MN1: variants seen among roughly 807,000 people sequenced by gnomAD.
The protein encoded by MN1 is MN1 proto-oncogene, transcriptional regulator, also known as transcriptional activator MN1.
In MN1, 19 loss-of-function variants were observed where a neutral mutation model predicts 86.9. That is an observed-to-expected ratio of 0.22 (90% CI 0.15 to 0.32). The LOEUF (loss-of-function observed/expected upper bound fraction) is 0.32, where lower values mean the gene tolerates loss of function less well. MN1 is among the 10% of genes least tolerant of loss of function. MN1 has a pLI of 1.00. For synonymous variants in MN1, 928 were observed against 849.6 expected (o/e 1.09, Z -1.60); for missense variants, 1,841 against 1,862.0 (o/e 0.99, Z 0.21).
chr22:27,789,600 T>C (rs1221562672), intron 1 of MN1, among the ~76,000 whole-genome samples: 1 of 152,220 alleles, frequency 6.6e-6, no homozygotes, highest in African/African-American at 2.4e-5. Context: ...AATGTGAGTT[T>C]ATATGGGGAT....
rs779290623 is a variant in MN1 at position 27,797,999 on chromosome 22, T to C, written c.2545A>G (p.Asn849Asp). 1 of 1,596,796 alleles carries C rather than the reference T, an allele frequency of 6.3e-7. No individual in the cohort carries two copies. Residue 849 changes from asparagine to aspartate, a missense_variant, in exon 1 of 2, where the codon AAC becomes GAC. By Grantham distance (23) the Asn-to-Asp change is conservative. Coordinates refer to ENST00000302326, the MANE Select transcript of MN1 (RefSeq NM_002430.3). ...LGAPNLNVTF[N>D]KKNPPEGKRK... ...TTGCCCTCTGGCGGGTTCTTCTTGT[T>C]GAAGGTCACGTTGAGGTTGGGGGCC...
At chr22:27,762,492 C>T (rs898504368) in intron 1 of MN1, among the ~76,000 whole-genome samples, 8 of 152,038 alleles carry the variant, frequency 5.3e-5, no homozygotes, top group Admixed American at 2.0e-4. Flanking sequence ...CTGGTAATAC[C>T]GGTAATGCTG....
chr22:27,751,463 G>A (rs2123873529), intron 1 of MN1, among the ~76,000 whole-genome samples: 1 of 152,258 alleles, frequency 6.6e-6, no homozygotes, highest in South Asian at 2.1e-4. Context: ...CATCTAAACT[G>A]GGCATCAAAG....
chr22:27,769,552 A>ATTTTTTTT lies in MN1; in HGVS notation c.3782-18464_3782-18457dup, dbSNP rs58248602. 1.0e-3 allele frequency among the ~76,000 whole-genome samples: 86 copies of ATTTTTTTT among 83,274 alleles called. 25 individuals are homozygous for ATTTTTTTT. The South Asian group carries it at 0.013, about 13-fold the overall frequency. The allele number at this position is 83,274 out of a possible 152,430, so 54.6% of individuals were successfully genotyped here. Reference sequence around the variant, plus strand: ...CGAAGCAATAATATCAAGGATGCCAATTTTTTTTTTTTTTTTTTGAGACAG... The same window carrying ATTTTTTTT: ...CGAAGCAATAATATCAAGGATGCCAATTTTTTTTTTTTTTTTTTTTTTTTTTGAGACAG... On this transcript the variant is annotated intron_variant, in intron 1 of 1. Transcript: ENST00000302326.
intron 1 of MN1, among the ~76,000 whole-genome samples, chr22:27,781,940 C>T (rs1040104978): frequency 3.3e-5 from 5 of 152,114 alleles, no homozygotes; most frequent in Admixed American, 6.5e-5. Context: ...AGTTGCCAGA[C>T]GCAGGGGTTT....
chr22:27,775,170 C>T (rs2146303749), intron 1 of MN1, among the ~76,000 whole-genome samples: 1 of 152,358 alleles, frequency 6.6e-6, no homozygotes, highest in Non-Finnish European at 1.5e-5. Context: ...AATGGGTCCA[C>T]AGCGGTAGCT....
At chr22:27,758,864 T>C (rs1354297544) in intron 1 of MN1, among the ~76,000 whole-genome samples, 1 of 152,166 alleles carries the variant, frequency 6.6e-6, no homozygotes, top group Non-Finnish European at 1.5e-5. Flanking sequence ...CTAGCTCTAT[T>C]ACCCAGGTTG....
intron 1 of MN1, among the ~76,000 whole-genome samples, chr22:27,761,432 GA>G (rs5844790): frequency 0.21 from 29,284 of 140,104 alleles, 4,057 homozygotes; most frequent in African/African-American, 0.39. Flanking sequence ...CTTTTTGGGG[GA>G]AAAAAAAAAA....
At chr22:27,774,223 C>T (rs1487912078) in intron 1 of MN1, among the ~76,000 whole-genome samples, 1 of 152,180 alleles carries the variant, frequency 6.6e-6, no homozygotes. Context: ...ACTTCACCGT[C>T]GTGAACGGGG....
intron 1 of MN1, among the ~76,000 whole-genome samples, chr22:27,786,844 A>ACG (rs777405354): frequency 6.9e-6 from 1 of 145,196 alleles, no homozygotes; most frequent in Non-Finnish European, 1.5e-5. Flanking sequence ...GCCCGTGCGC[A>ACG]CACACACACA....
chr22:27,769,418 C>T (rs1271484605), intron 1 of MN1, among the ~76,000 whole-genome samples: 3 of 152,214 alleles, frequency 2.0e-5, no homozygotes, highest in East Asian at 3.9e-4. Flanking sequence ...CTCCTGTTCT[C>T]TCCCAGCATG....
intron 1 of MN1, among the ~76,000 whole-genome samples, chr22:27,779,783 C>T (rs2146306209): frequency 6.6e-6 from 1 of 152,302 alleles, no homozygotes; most frequent in Admixed American, 6.5e-5. Context: ...GGGCCCAGGC[C>T]TCCACACCTC....
chr22:27,798,527 C>T lies in MN1; in HGVS notation c.2017G>A (p.Gly673Arg). The T allele has an allele frequency of 6.6e-7, 1 of 1,524,170 alleles. No homozygotes were observed. Among genetic ancestry groups the T allele is most frequent in the Admixed American group, 2.1e-5 (1 of 48,626 alleles). The allele number at this position is 1,524,170 out of a possible 1,614,324, so 94.4% of individuals were successfully genotyped here. Residue 673 changes from glycine to arginine, a missense_variant, in exon 1 of 2, where the codon GGG becomes AGG. By Grantham distance (125) the Gly-to-Arg change is moderately radical (BLOSUM62 -2). Transcript: ENST00000302326. ...TGCAGAGGGCCCCGGAACAGCACCCCCGAGCCACCAGGCGGAGGAGGGGGC... is the reference window on the plus strand; with the variant it reads ...TGCAGAGGGCCCCGGAACAGCACCCTCGAGCCACCAGGCGGAGGAGGGGGC... ...LAPPPPPGGS[G>R]VLFRGPLQEP...
At chr22:27,781,184 G>A (rs954160899) in intron 1 of MN1, among the ~76,000 whole-genome samples, 40 of 152,294 alleles carry the variant, frequency 2.6e-4, no homozygotes, top group African/African-American at 8.9e-4. Flanking sequence ...AGCAGCCTTG[G>A]CCTCCCAAAG....
At chr22:27,796,603 C>A (rs1402776687) in intron 1 of MN1, among the ~76,000 whole-genome samples, 160 bp downstream of exon 1, 1 of 151,966 alleles carries the variant, frequency 6.6e-6, no homozygotes, top group Non-Finnish European at 1.5e-5. Context: ...TCCTCACAGC[C>A]CTTGGTGTAA....
At chr22:27,785,465 T>C (rs951904896) in intron 1 of MN1, among the ~76,000 whole-genome samples, 6 of 152,262 alleles carry the variant, frequency 3.9e-5, no homozygotes, top group South Asian at 2.1e-4. Context: ...CAATACTTTT[T>C]CTTTTTTCCA....
chr22:27,771,186 G>A (rs1932911223), intron 1 of MN1, among the ~76,000 whole-genome samples: 1 of 147,444 alleles, frequency 6.8e-6, no homozygotes, highest in African/African-American at 2.5e-5. Context: ...AACCCCATGA[G>A]CTAAGAATGT....
chr22:27,752,361 C>T (rs1932773392), intron 1 of MN1, among the ~76,000 whole-genome samples: 2 of 152,150 alleles, frequency 1.3e-5, no homozygotes, highest in African/African-American at 4.8e-5. Context: ...CCCAATCAGA[C>T]CAGCACAAAA....
At chr22:27,782,678 T>C (rs192112198) in intron 1 of MN1, among the ~76,000 whole-genome samples, 1 of 148,624 alleles carries the variant, frequency 6.7e-6, no homozygotes. Context: ...CGGGAACTAT[T>C]ATTATTCTCT....
Sources: allele counts gnomAD v4.1 joint callset (sites outside exome capture counted in the v4.1 genomes callset), GRCh38; gene constraint gnomAD v4.1.1; transcripts MANE v1.5; gene names NCBI Gene and HGNC (gene_info 2026-07-23, HGNC 2026-07-21).